IL6ST: variants seen among roughly 807,000 people sequenced by gnomAD.
The protein encoded by IL6ST is interleukin 6 cytokine family signal transducer.
A neutral mutation model predicts 91.3 loss-of-function variants in IL6ST; 24 were observed. The ratio of observed to expected loss-of-function variants is 0.26; its 90% CI spans 0.19 to 0.37. IL6ST has a LOEUF of 0.37. Ranked by LOEUF, IL6ST falls within the 10% of genes least tolerant of loss-of-function variation. IL6ST has a pLI of 1.00. For missense variants in IL6ST, 914 were observed against 1,078.5 expected, an observed-to-expected ratio of 0.85 and a Z score of 2.14; for synonymous variants, 351 against 373.6, an observed-to-expected ratio of 0.94 and a Z score of 0.70.
At chr5:55,955,916 G>A in intron 10 of IL6ST, 109 bp downstream of exon 10, 1 of 615,030 alleles carries the variant, frequency 1.6e-6, no homozygotes, top group East Asian at 2.7e-5. Context: ...GATTATCCCT[G>A]ATACTGAGGA....
Position 55,950,490 on chromosome 5 carries a change from C to T in IL6ST, c.1840+974G>A, listed in dbSNP as rs1317188379. On this transcript the variant is annotated intron_variant, in intron 14 of 16. Coordinates refer to ENST00000381298, the MANE Select transcript of IL6ST (RefSeq NM_002184.4). ...GGTGGAGGTTGCAGTGAGCTGAGATCGCACCACTGCACTCCAGCCTGGGTG... is the reference window on the plus strand; with the variant it reads ...GGTGGAGGTTGCAGTGAGCTGAGATTGCACCACTGCACTCCAGCCTGGGTG... Among the ~76,000 whole-genome samples the T allele has an allele frequency of 8.7e-5, 12 of 137,564 alleles. No homozygotes were observed. The South Asian group carries it at 2.1e-3, about 24-fold the overall frequency. 90.2% of individuals were successfully genotyped at this position (137,564 alleles called of 152,430 possible).
At chr5:55,967,460 T>C (rs938187791) in intron 5 of IL6ST, among the ~76,000 whole-genome samples, 1 of 151,472 alleles carries the variant, frequency 6.6e-6, no homozygotes, top group Non-Finnish European at 1.5e-5. Flanking sequence ...TCACAAAGTA[T>C]GGAGCTTATT....
intron 14 of IL6ST, chr5:55,948,809 GA>G (rs1310853458): frequency 6.6e-6 from 1 of 152,006 alleles, no homozygotes; most frequent in Non-Finnish European, 1.5e-5. Context: ...TAAAACCTTT[GA>G]AGGTAAAATT....
chr5:55,959,883 T>G (rs183142810), intron 8 of IL6ST, among the ~76,000 whole-genome samples: 1,527 of 151,608 alleles, frequency 0.01, 17 homozygotes, highest in Non-Finnish European at 0.017. Context: ...CACCATTCCA[T>G]GATGAATTTT....
chr5:55,959,772 GAT>G, intron 8 of IL6ST: 1 of 457,486 alleles, frequency 2.2e-6, no homozygotes, highest in Non-Finnish European at 3.8e-6. Flanking sequence ...AATGATTCAG[GAT>G]ATGATTCTCT....
intron 9 of IL6ST, among the ~76,000 whole-genome samples, chr5:55,956,602 CTT>C (rs1751991391): frequency 6.6e-6 from 1 of 152,102 alleles, no homozygotes; most frequent in Non-Finnish European, 1.5e-5. Flanking sequence ...TTATCACAAA[CTT>C]TTATTATTTT....
chr5:55,948,186 A>C (rs1371574618), intron 14 of IL6ST, among the ~76,000 whole-genome samples: 1 of 152,194 alleles, frequency 6.6e-6, no homozygotes, highest in Non-Finnish European at 1.5e-5. Context: ...CACGAGTAGG[A>C]ATAAACTAAA....
In IL6ST at chr5:55,956,198, T is replaced by G. The variant is rs768985381; in HGVS notation, c.1094A>C (p.Asp365Ala). 4.3e-6 allele frequency: 7 copies of G among 1,610,842 alleles called. No homozygotes were observed. Among genetic ancestry groups the G allele is most frequent in the African/African-American group, 1.3e-5 (1 of 74,868 alleles). ...PPFEANGKIL[D>A]YEVTLTRWKS... ...CCATCTTGTGAGAGTCACTTCATAA[T>G]CCAAGATTTTTCCATTGGCTTCAAA... is the stretch of plus-strand genomic sequence containing the variant. The change falls in exon 10 of 17, where the codon GAT becomes GCT. Residue 365 changes from aspartate (D) to alanine (A), a missense_variant. Transcript: ENST00000381298.
At chr5:55,959,632 A>T (rs1480467897) in intron 8 of IL6ST, 1 of 1,296,240 alleles carries the variant, frequency 7.7e-7, no homozygotes, top group Admixed American at 2.3e-5. Context: ...TAACCAACCA[A>T]AATTCCAGGA....
chr5:55,974,193 C>T (rs1753135113), intron 3 of IL6ST, among the ~76,000 whole-genome samples: 1 of 152,096 alleles, frequency 6.6e-6, no homozygotes, highest in African/African-American at 2.4e-5. Flanking sequence ...TGGTATATTA[C>T]GTTTATTTTT....
intron 8 of IL6ST, 95 bp downstream of exon 8, chr5:55,960,307 A>C: frequency 1.1e-6 from 1 of 951,242 alleles, no homozygotes; most frequent in Non-Finnish European, 1.6e-6. Context: ...AAATGATCAC[A>C]AACTAAGAAG....
chr5:55,966,321 G>C (rs1370064054), intron 5 of IL6ST, among the ~76,000 whole-genome samples: 1 of 152,158 alleles, frequency 6.6e-6, no homozygotes, highest in Non-Finnish European at 1.5e-5. Flanking sequence ...CTATGGTGAA[G>C]AATATCAGAC....
At chr5:55,951,713 G>T in intron 13 of IL6ST, 109 bp from the exon 14 acceptor site, 1 of 1,074,796 alleles carries the variant, frequency 9.3e-7, no homozygotes. Context: ...ATTTTTGTTG[G>T]AAAACAACTT....
At chr5:55,945,746 G>A (rs929912922) in intron 15 of IL6ST, among the ~76,000 whole-genome samples, 1 of 144,590 alleles carries the variant, frequency 6.9e-6, no homozygotes, top group Non-Finnish European at 1.5e-5. Context: ...TGCCTCCTGG[G>A]TTCAAGCAAT....
At chr5:55,992,817 A>G (rs1273340140) in intron 1 of IL6ST, among the ~76,000 whole-genome samples, 1 of 152,186 alleles carries the variant, frequency 6.6e-6, no homozygotes, top group Admixed American at 6.5e-5. Context: ...ATCATTCCCT[A>G]ATTTTAATAT....
At chr5:55,986,107 G>A (rs977064384) in intron 1 of IL6ST, among the ~76,000 whole-genome samples, 1 of 152,214 alleles carries the variant, frequency 6.6e-6, no homozygotes, top group Non-Finnish European at 1.5e-5. Context: ...CTGGTAGAGT[G>A]TTACATAAAT....
chr5:55,979,338 A>G (rs1319238594), intron 2 of IL6ST, among the ~76,000 whole-genome samples: 1 of 152,232 alleles, frequency 6.6e-6, no homozygotes, highest in African/African-American at 2.4e-5. Context: ...CAGAGGTCAG[A>G]GCAGTTGTTT....
intron 14 of IL6ST, 115 bp downstream of exon 14, chr5:55,951,348 TA>T: frequency 1.2e-6 from 1 of 810,696 alleles, no homozygotes; most frequent in Non-Finnish European, 2.0e-6. Context: ...CCAGATAATA[TA>T]AAAATCATCA....
In IL6ST at chr5:55,952,056, A is replaced by T. The variant is rs751988688; in HGVS notation, c.1572T>A (p.Thr524=). Residue 524 remains threonine (T), a synonymous_variant, in exon 13 of 17, where the codon ACT becomes ACA. Coordinates refer to ENST00000381298, the MANE Select transcript of IL6ST (RefSeq NM_002184.4). ...LKQAPPSKGP[T]VRTKKVGKNE... is the part of the protein sequence containing the mutation. Reference sequence around the variant, plus strand: ...TTTTCCCTACTTTTTTTGTCCGAACAGTAGGTCCTTTGGAAGGTGCTGTAA... The same window carrying T: ...TTTTCCCTACTTTTTTTGTCCGAACTGTAGGTCCTTTGGAAGGTGCTGTAA... 22 of 1,613,346 alleles carry T rather than the reference A, an allele frequency of 1.4e-5. No individual in the cohort carries two copies. In the African/African-American group the frequency reaches 2.9e-4, roughly 22 times the overall value.
Sources: gnomAD v4.1 joint callset for allele counts (sites outside exome capture counted in the v4.1 genomes callset) on GRCh38, gnomAD v4.1.1 for gene constraint, MANE v1.5 for transcripts, NCBI Gene and HGNC (gene_info 2026-07-23, HGNC 2026-07-21) for gene names.